The following SPTBN1 variants were observed in gnomAD, a reference collection of about 807,000 sequenced individuals.
SPTBN1 encodes the protein spectrin beta chain, non-erythrocytic 1.
Under a neutral mutation model 266.4 loss-of-function variants are expected in SPTBN1, and 32 were observed. The observed-to-expected ratio is 0.12, with a 90% confidence interval of 0.09 to 0.16. The LOEUF (loss-of-function observed/expected upper bound fraction) is 0.16. Ranked by LOEUF, SPTBN1 falls within the 10% of genes least tolerant of loss-of-function variation. The pLI is 1.00. For synonymous variants in SPTBN1, 1,336 were observed against 1,162.2 expected (o/e 1.15, Z -3.04); for missense variants, 2,296 against 3,067.1 (o/e 0.75, Z 5.94).
chr2:54,530,095 C>G (rs1671126200), intron 2 of SPTBN1, among the ~76,000 whole-genome samples: 1 of 152,024 alleles, frequency 6.6e-6, no homozygotes, highest in Non-Finnish European at 1.5e-5. Flanking sequence ...CTGTGTCCCT[C>G]TAGGGCTTTC....
intron 2 of SPTBN1, among the ~76,000 whole-genome samples, chr2:54,597,135 A>T (rs537601822): frequency 6.6e-6 from 1 of 152,314 alleles, no homozygotes; most frequent in African/African-American, 2.4e-5. Context: ...CGCATAAAGG[A>T]TTTTATAATT....
intron 1 of SPTBN1, among the ~76,000 whole-genome samples, chr2:54,488,570 A>G (rs1668528226): frequency 6.6e-6 from 1 of 152,132 alleles, no homozygotes; most frequent in Admixed American, 6.5e-5. Flanking sequence ...GGCTAAGTGT[A>G]AGCTTTGAGA....
intron 1 of SPTBN1, among the ~76,000 whole-genome samples, chr2:54,492,439 C>G (rs1396364651): frequency 1.4e-5 from 2 of 147,380 alleles, no homozygotes; most frequent in Non-Finnish European, 3.0e-5. Flanking sequence ...TCCCCTAGAT[C>G]CCTGAAAGTG....
At position 54,645,818 on chromosome 2, in the gene SPTBN1, G is replaced by A; in HGVS notation, c.4495-110G>A. On this transcript the variant is annotated intron_variant, in intron 21 of 35. Transcript: ENST00000356805. This position sits in a 1 kb window ranked among gnomAD's most constrained non-coding sequence, Gnocchi z 4.3. ...CAGACAGCCCTCCCGAGGGGGCTGA[G>A]CACTCTCTGAAGCTCACCCTTGCTG... 2 of 1,207,366 alleles carry A rather than the reference G, an allele frequency of 1.7e-6. No individual in the cohort carries two copies. The highest frequency in any genetic ancestry group is 2.4e-5 in the East Asian group (1 of 41,328). The allele number at this position is 1,207,366 out of a possible 1,614,324, so 74.8% of individuals were successfully genotyped here. A position where few individuals can be genotyped will look rare whatever the true frequency, so the allele number is the denominator to read the frequency against.
Position 54,504,035 on chromosome 2 carries a change from A to G in SPTBN1, c.-47-22337A>G, listed in dbSNP as rs1453050069. Among the ~76,000 whole-genome samples the G allele has an allele frequency of 3.3e-5, 5 of 152,232 alleles. No homozygotes were observed. In the East Asian group the frequency reaches 9.6e-4, roughly 29 times the overall value. ...CACTATATTAGGAATTTGTTACAAT[A>G]TGACTAATGCTGAATATGTGTGCAT... On this transcript the variant is annotated intron_variant, in intron 1 of 35. Transcript: ENST00000356805.
At chr2:54,589,059 A>G (rs781331374) in intron 2 of SPTBN1, among the ~76,000 whole-genome samples, 3 of 152,184 alleles carry the variant, frequency 2.0e-5, no homozygotes, top group Non-Finnish European at 4.4e-5. Flanking sequence ...TCAAGCATTT[A>G]TCTTTTGTGT....
In SPTBN1 at chr2:54,629,798, G is replaced by A; in HGVS notation, c.2664G>A (p.Gln888=). 1 of 1,609,552 alleles carries A rather than the reference G, an allele frequency of 6.2e-7. No individual in the cohort carries two copies. Among genetic ancestry groups the A allele is most frequent in the Non-Finnish European group, 8.5e-7 (1 of 1,178,738 alleles). The part of the protein sequence containing the change: ...PEKLEDLEVI[Q]HRFESLEPEM... ...AGCTGGAGGATCTGGAGGTCATCCA[G>A]CACAGGTGAGCGGGGCGCTGGTCAG... The change falls in exon 14 of 36, where the codon CAG becomes CAA. Residue 888 remains glutamine, a synonymous_variant. Transcript: ENST00000356805.
chr2:54,492,338 G>GGTTTT lies in SPTBN1; in HGVS notation c.-47-34034_-47-34033insGTTTT, dbSNP rs1558775035. On this transcript the variant is annotated intron_variant, in intron 1 of 35. Transcript: ENST00000356805. ...TTACTGGACATTTAGTTTGTCTGCA[G>GGTTTT]TTGTTTTTTTGTTTTTTTTTTTTTT... 7.6e-5 allele frequency among the ~76,000 whole-genome samples: 9 copies of GGTTTT among 118,112 alleles called. 2 individuals are homozygous for GGTTTT. The highest frequency in any genetic ancestry group is 1.7e-5 in the Non-Finnish European group (1 of 58,052). 77.5% of individuals were successfully genotyped at this position (118,112 alleles called of 152,430 possible).
chr2:54,617,408 A>G (rs772290383), intron 5 of SPTBN1, among the ~76,000 whole-genome samples, 200 bp from the exon 6 acceptor site: 6 of 152,264 alleles, frequency 3.9e-5, no homozygotes, highest in Non-Finnish European at 8.8e-5. Flanking sequence ...AAGAAAAGCC[A>G]CATGGATGCA....
At chr2:54,666,393 C>T (rs1238563976) in intron 34 of SPTBN1, among the ~76,000 whole-genome samples, 3 of 152,222 alleles carry the variant, frequency 2.0e-5, no homozygotes, top group East Asian at 1.9e-4. Context: ...TCACATTTCA[C>T]AGTTTAAGGG....
intron 2 of SPTBN1, among the ~76,000 whole-genome samples, chr2:54,549,415 G>T (rs1379005427): frequency 6.6e-6 from 1 of 151,548 alleles, no homozygotes; most frequent in African/African-American, 2.4e-5. Flanking sequence ...AGATTCTGTT[G>T]TATGTATATA....
intron 2 of SPTBN1, among the ~76,000 whole-genome samples, chr2:54,579,526 C>T (rs1382987289): frequency 6.6e-6 from 1 of 152,208 alleles, no homozygotes; most frequent in Non-Finnish European, 1.5e-5. Flanking sequence ...TGCTATATAG[C>T]TCTCTTAATA....
At chr2:54,633,484 C>T (rs1472152736) in intron 17 of SPTBN1, among the ~76,000 whole-genome samples, 2 of 152,020 alleles carry the variant, frequency 1.3e-5, no homozygotes, top group Non-Finnish European at 2.9e-5. Flanking sequence ...GGCCAGTGGA[C>T]TCTGTTTGAC....
At chr2:54,522,732 G>T (rs1332651068) in intron 1 of SPTBN1, among the ~76,000 whole-genome samples, 1 of 150,080 alleles carries the variant, frequency 6.7e-6, no homozygotes, top group Non-Finnish European at 1.5e-5. Context: ...AAGAAAGAAA[G>T]AAATCTGTGG....
intron 1 of SPTBN1, among the ~76,000 whole-genome samples, chr2:54,468,662 T>C (rs1693765103): frequency 6.6e-6 from 1 of 152,222 alleles, no homozygotes; most frequent in South Asian, 2.1e-4. Flanking sequence ...GAAGAAAGAA[T>C]TCAAAAATTT....
intron 29 of SPTBN1, among the ~76,000 whole-genome samples, chr2:54,656,282 C>T (rs1394733154): frequency 1.3e-5 from 2 of 152,116 alleles, no homozygotes; most frequent in African/African-American, 4.8e-5. Context: ...GATAGAAGCC[C>T]TCTCCCCCAT....
chr2:54,468,349 AAT>A (rs1693746526), intron 1 of SPTBN1, among the ~76,000 whole-genome samples: 1 of 151,704 alleles, frequency 6.6e-6, no homozygotes, highest in African/African-American at 2.4e-5. Context: ...AAAATAAAAA[AAT>A]ATGTGTGTAT....
chr2:54,655,135 G>A lies in SPTBN1; in HGVS notation c.5888G>A (p.Arg1963His). The A allele has an allele frequency of 1.2e-6, 2 of 1,614,156 alleles. No individual in the cohort carries two copies. Among genetic ancestry groups the A allele is most frequent in the Non-Finnish European group, 1.7e-6 (2 of 1,180,006 alleles). ...HQGIKAEIDA[R>H]NDSFTTCIEL... is the part of the protein sequence containing the mutation. ...GGCATCAAAGCTGAAATTGATGCAC[G>A]TAATGACAGTTTCACAACCTGCATT... Residue 1963 changes from arginine (R) to histidine (H), a missense_variant, in exon 28 of 36, where the codon CGT becomes CAT. Physicochemically the swap from Arg to His is conservative, Grantham distance 29 (BLOSUM62 0). This residue lies in a region of SPTBN1 where 644 missense variants were observed against 745.3 expected (regional missense o/e 0.86). Coordinates refer to ENST00000356805, the MANE Select transcript of SPTBN1 (RefSeq NM_003128.3).
In SPTBN1 at chr2:54,616,422, C is replaced by A. The variant is rs7570695; in HGVS notation, c.566+124C>A. On this transcript the variant is annotated intron_variant, in intron 5 of 35. Transcript: ENST00000356805. ...CTTCCATTGGGAAGTCTTGTTAACT[C>A]GCAAGCAGTTGATATGACTTTTCAA... 9 of 709,794 alleles carry A rather than the reference C, an allele frequency of 1.3e-5. No individual in the cohort carries two copies. The Middle Eastern group carries it at 1.3e-3, about 100-fold the overall frequency. The allele number at this position is 709,794 out of a possible 1,614,324, so 44.0% of individuals were successfully genotyped here. A position where few individuals can be genotyped will look rare whatever the true frequency, so the allele number is the denominator to read the frequency against.
Sources: allele counts gnomAD v4.1 joint callset (sites outside exome capture counted in the v4.1 genomes callset), GRCh38; gene constraint gnomAD v4.1.1; regional missense constraint gnomAD v4.1.1; non-coding constraint Gnocchi (gnomAD v3.1); transcripts MANE v1.5; gene names NCBI Gene and HGNC (gene_info 2026-07-23, HGNC 2026-07-21).